LPA: variants seen among roughly 807,000 people sequenced by gnomAD.
LPA encodes apolipoprotein(a).
In LPA, 199 loss-of-function variants were observed where a neutral mutation model predicts 197.9. That is an observed-to-expected ratio of 1.01 (90% confidence interval 0.90 to 1.13). LPA has a LOEUF of 1.13. LPA is among the 50% of genes most tolerant of loss of function. The pLI is 0.00. For synonymous variants in LPA, 715 were observed against 639.5 expected (o/e 1.12, Z -1.78); for missense variants, 1,853 against 1,785.8 (o/e 1.04, Z -0.68).
intron 34 of LPA, among the ~76,000 whole-genome samples, chr6:160,541,521 C>T (rs1583566693): frequency 6.6e-6 from 1 of 152,204 alleles, no homozygotes; most frequent in African/African-American, 2.4e-5. Flanking sequence ...CAGCCCAAGA[C>T]CTTCCCAAGG....
At chr6:160,563,307 C>T (rs112936231) in intron 28 of LPA, among the ~76,000 whole-genome samples, 10 of 152,232 alleles carry the variant, frequency 6.6e-5, no homozygotes, top group African/African-American at 2.4e-4. Flanking sequence ...TCTACTTCTG[C>T]CTTAATTTTG....
chr6:160,549,985 A>T (rs1366917483), intron 30 of LPA, among the ~76,000 whole-genome samples: 1 of 152,218 alleles, frequency 6.6e-6, no homozygotes, highest in Non-Finnish European at 1.5e-5. Flanking sequence ...CACTTTGGGA[A>T]GCCAAGGCGG....
rs563860075 is a variant in LPA at position 160,608,861 on chromosome 6, G to A, written c.2604-2203C>T. ...TGTGTGTGAACTTGTGAGTTTTTGC[G>A]TGGGTGTGTATGGGTGTGTTGTATG... On this transcript the variant is annotated intron_variant, in intron 16 of 38. Transcript: ENST00000316300. 4.9e-4 allele frequency among the ~76,000 whole-genome samples: 74 copies of A among 151,664 alleles called. 1 individual carries two copies. Among genetic ancestry groups the A allele is most frequent in the African/African-American group, 1.7e-3 (72 of 41,308 alleles).
chr6:160,568,192 G>A (rs1004606857), intron 28 of LPA, among the ~76,000 whole-genome samples: 7 of 152,084 alleles, frequency 4.6e-5, no homozygotes, highest in Non-Finnish European at 7.4e-5. Context: ...ACAAAAATGA[G>A]AATTTTAGAC....
rs75055004 is a variant in LPA, at chr6:160,606,789, A to T, written c.2604-131T>A. On this transcript the variant is annotated intron_variant, in intron 16 of 38. Transcript: ENST00000316300. Reference sequence around the variant, plus strand: ...AATATTCCCATAAAAGTACCATATGATTGCCACAAGCACAAATGGCTCTCA... The same window carrying T: ...AATATTCCCATAAAAGTACCATATGTTTGCCACAAGCACAAATGGCTCTCA... 2,351 of 1,397,820 alleles carry T rather than the reference A, an allele frequency of 1.7e-3. 17 individuals carry two copies. Among genetic ancestry groups the T allele is most frequent in the African/African-American group, 0.015 (1,089 of 70,554 alleles). The allele number at this position is 1,397,820 out of a possible 1,614,324, so 86.6% of individuals were successfully genotyped here. A position where few individuals can be genotyped will look rare whatever the true frequency, so the allele number is the denominator to read the frequency against.
chr6:160,548,437 G>A, intron 31 of LPA, 41 bp downstream of exon 31: 1 of 1,580,716 alleles, frequency 6.3e-7, no homozygotes, highest in Non-Finnish European at 8.7e-7. Context: ...CAAGCACATA[G>A]AGAGGTATGT....
chr6:160,662,553 A>C (rs1353995523), intron 1 of LPA, among the ~76,000 whole-genome samples: 1 of 152,176 alleles, frequency 6.6e-6, no homozygotes, highest in Admixed American at 6.5e-5. Flanking sequence ...GTGGCAGAGA[A>C]GTTTGTTCTA....
At chr6:160,608,915 G>C (rs1046792883) in intron 16 of LPA, among the ~76,000 whole-genome samples, 11 of 151,644 alleles carry the variant, frequency 7.3e-5, no homozygotes, top group African/African-American at 2.7e-4. Flanking sequence ...TGGTTCTGTA[G>C]AATTGATTTT....
intron 16 of LPA, among the ~76,000 whole-genome samples, chr6:160,608,609 T>C (rs139139105): frequency 6.6e-6 from 1 of 152,274 alleles, no homozygotes; most frequent in African/African-American, 2.4e-5. Flanking sequence ...AAACGCCTAT[T>C]TGATGCATTG....
intron 25 of LPA, among the ~76,000 whole-genome samples, chr6:160,585,552 G>A (rs1000382136): frequency 2.0e-5 from 3 of 152,096 alleles, no homozygotes; most frequent in African/African-American, 4.8e-5. Flanking sequence ...AGGGTGCCAT[G>A]CATCAAGCTG....
intron 23 of LPA, among the ~76,000 whole-genome samples, chr6:160,590,164 GCAGGAAGTGGTCCTC>G (rs1778998708): frequency 6.6e-6 from 1 of 152,148 alleles, no homozygotes; most frequent in Non-Finnish European, 1.5e-5. Flanking sequence ...GGAAGATGGG[GCAGGAAGTGGTCCTC>G]CATCTAGGAC....
At chr6:160,605,520 C>A (rs776202853) in intron 17 of LPA, among the ~76,000 whole-genome samples, 2 of 152,176 alleles carry the variant, frequency 1.3e-5, no homozygotes, top group African/African-American at 4.8e-5. Flanking sequence ...TGCTCACGTG[C>A]AAGCACATTT....
At chr6:160,561,131 G>A (rs527438465) in intron 28 of LPA, among the ~76,000 whole-genome samples, 5 of 152,184 alleles carry the variant, frequency 3.3e-5, no homozygotes, top group South Asian at 2.1e-4. Flanking sequence ...AGATGGTCTC[G>A]ATCTCCTGAC....
At chr6:160,550,464 T>A (rs1297860371) in intron 30 of LPA, among the ~76,000 whole-genome samples, 3 of 152,186 alleles carry the variant, frequency 2.0e-5, no homozygotes, top group Non-Finnish European at 4.4e-5. Context: ...AGCAAGCTGG[T>A]TCTCCAAGCA....
intron 18 of LPA, among the ~76,000 whole-genome samples, chr6:160,601,907 G>T (rs1471333382): frequency 6.6e-6 from 1 of 152,206 alleles, no homozygotes; most frequent in Non-Finnish European, 1.5e-5. Flanking sequence ...ATGGCATAAA[G>T]GGAGACAGCT....
intron 32 of LPA, among the ~76,000 whole-genome samples, chr6:160,547,566 A>G (rs1778092996): frequency 6.6e-6 from 1 of 152,164 alleles, no homozygotes; most frequent in Non-Finnish European, 1.5e-5. Flanking sequence ...TAGAAACGAG[A>G]AACAGCACCC....
At chr6:160,662,572 G>T (rs1003895027) in intron 1 of LPA, among the ~76,000 whole-genome samples, 5 of 152,110 alleles carry the variant, frequency 3.3e-5, no homozygotes, top group East Asian at 3.8e-4. Flanking sequence ...TAGCCTTTGG[G>T]TGTAGCCTGC....
chr6:160,546,600 C>T (rs1306702235), intron 32 of LPA, among the ~76,000 whole-genome samples: 3 of 152,202 alleles, frequency 2.0e-5, no homozygotes, highest in Admixed American at 2.0e-4. Flanking sequence ...CAGCCTGCAA[C>T]TTGGGATTGG....
intron 28 of LPA, among the ~76,000 whole-genome samples, chr6:160,576,855 G>C (rs561095541): frequency 1.3e-5 from 2 of 151,834 alleles, no homozygotes; most frequent in South Asian, 4.2e-4. Flanking sequence ...GTGGAATGGT[G>C]CTGTGTTTAA....
Sources: allele counts gnomAD v4.1 joint callset (sites outside exome capture counted in the v4.1 genomes callset), GRCh38; gene constraint gnomAD v4.1.1; transcripts MANE v1.5; gene names NCBI Gene and HGNC (gene_info 2026-07-23, HGNC 2026-07-21).